GPI: variants seen among roughly 807,000 people sequenced by gnomAD.
GPI encodes glucose-6-phosphate isomerase.
A neutral mutation model predicts 75.8 loss-of-function variants in GPI; 56 were observed. The observed-to-expected ratio is 0.74, with a 90% confidence interval of 0.60 to 0.92. The LOEUF (loss-of-function observed/expected upper bound fraction) is 0.92, where lower values mean the gene tolerates loss of function less well. GPI is among the 40% of genes least tolerant of loss of function. GPI has a pLI of 0.00. For missense variants in GPI, 638 were observed against 741.0 expected (o/e 0.86, Z 1.61); for synonymous variants, 288 against 285.4 (o/e 1.01, Z -0.09).
chr19:34,376,773 C>T (rs1445186706), intron 4 of GPI, among the ~76,000 whole-genome samples: 9 of 152,004 alleles, frequency 5.9e-5, no homozygotes, highest in African/African-American at 7.2e-5. Flanking sequence ...AATAGCGAGG[C>T]GCGGTGGCTC....
intron 4 of GPI, among the ~76,000 whole-genome samples, chr19:34,372,051 C>G (rs943519376): frequency 6.6e-6 from 1 of 151,628 alleles, no homozygotes; most frequent in Non-Finnish European, 1.5e-5. Context: ...CTGCCTCAGC[C>G]TCCTGAGTAG....
chr19:34,383,590 C>T (rs2074688058), intron 9 of GPI, among the ~76,000 whole-genome samples: 1 of 152,192 alleles, frequency 6.6e-6, no homozygotes, highest in Non-Finnish European at 1.5e-5. Context: ...CTCAGGGCGT[C>T]AGAGGCCTCT....
In GPI at chr19:34,393,396, A is replaced by G; in HGVS notation, c.865+88A>G. On this transcript the variant is annotated intron_variant, in intron 10 of 17. Transcript: ENST00000356487. The surrounding 1 kb of genome is among the most constrained non-coding windows in gnomAD (Gnocchi z 4.4). The stretch of plus-strand genomic sequence containing the variant: ...TAGGGGGCTTGTGTCCCTGAACATC[A>G]TGCTGTCCTCACAGGCTGCTGGCCT... 1 of 998,298 alleles carries G rather than the reference A, an allele frequency of 1.0e-6. No homozygotes were observed. Among genetic ancestry groups the G allele is most frequent in the South Asian group, 1.3e-5 (1 of 78,710 alleles). The allele number at this position is 998,298 out of a possible 1,614,324, so 61.8% of individuals were successfully genotyped here. A position where few individuals can be genotyped will look rare whatever the true frequency, so the allele number is the denominator to read the frequency against.
chr19:34,395,219 G>A (rs1041993585), intron 12 of GPI, among the ~76,000 whole-genome samples: 1 of 152,080 alleles, frequency 6.6e-6, no homozygotes, highest in African/African-American at 2.4e-5. Context: ...ATTTAGTTGT[G>A]GTGACAGCCC....
chr19:34,398,139 C>T (rs1788009951), intron 14 of GPI: 1 of 152,126 alleles, frequency 6.6e-6, no homozygotes, highest in Non-Finnish European at 1.5e-5. Context: ...CAGCCTCACC[C>T]TCCTGGGCTC....
rs1277518726 is a variant in GPI at position 34,366,643 on chromosome 19, TTCCCAGACAGCA to T, written c.214-139_214-128del. On this transcript the variant is annotated intron_variant, in intron 2 of 17. Transcript: ENST00000356487. ...CAGTGTCTGATGTCTGAGTAGACCC[TTCCCAGACAGCA>T]GGGGAGGGAACCAGACAGCAGCCGT... The T allele has an allele frequency of 3.9e-5, 30 of 767,524 alleles. No individual in the cohort carries two copies. The East Asian group carries it at 7.1e-4, about 18-fold the overall frequency. 47.5% of individuals were successfully genotyped at this position (767,524 alleles called of 1,614,324 possible). A position where few individuals can be genotyped will look rare whatever the true frequency, so the allele number is the denominator to read the frequency against.
chr19:34,365,455 TC>T (rs1427132661), intron 1 of GPI, 67 bp downstream of exon 1: 23 of 1,510,440 alleles, frequency 1.5e-5, no homozygotes, highest in Non-Finnish European at 1.9e-5. Context: ...GGGCCTGGGG[TC>T]TGGAGGCGGG....
At chr19:34,379,649 G>A (rs1209841875) in intron 8 of GPI, 87 bp downstream of exon 8, 2 of 1,097,328 alleles carry the variant, frequency 1.8e-6, no homozygotes, top group African/African-American at 1.5e-5. Context: ...CGGTTCGTAG[G>A]TCTGGTGGAT....
At position 34,401,026 on chromosome 19, in the gene GPI, CAT is replaced by C. The variant is rs1491118723; in HGVS notation, c.*991_*992del. On this transcript the variant is annotated 3_prime_UTR_variant, in exon 18 of 18. Coordinates refer to ENST00000356487, the MANE Select transcript of GPI (RefSeq NM_000175.5). ...CAGGTATGAGCCACCACGCCCGGCC[CAT>C]TTTTTTTTTTTTTTTGACAACTTTT... The C allele has an allele frequency of 1.4e-3, 224 of 156,890 alleles. No homozygotes were observed. Among genetic ancestry groups the C allele is most frequent in the African/African-American group, 5.2e-3 (198 of 38,084 alleles). 9.7% of individuals were successfully genotyped at this position (156,890 alleles called of 1,614,324 possible).
chr19:34,399,425 C>A, intron 15 of GPI, 90 bp downstream of exon 15: 2 of 1,577,534 alleles, frequency 1.3e-6, no homozygotes, highest in Non-Finnish European at 1.7e-6. Context: ...GCGTGCCTGG[C>A]TTGTCCTACA....
chr19:34,380,091 G>A (rs1320350277), intron 8 of GPI, among the ~76,000 whole-genome samples: 6 of 148,778 alleles, frequency 4.0e-5, no homozygotes, highest in Non-Finnish European at 7.4e-5. Flanking sequence ...CTGCCTTCCA[G>A]GTTCAAGCGA....
Position 34,396,640 on chromosome 19 carries a change from A to C in GPI, c.1252A>C (p.Lys418Gln), listed in dbSNP as rs2074949801. ...IPVQTQHPIRKGLHHKILLAN... is the reference protein window; with the variant it reads ...IPVQTQHPIRQGLHHKILLAN... The stretch of plus-strand genomic sequence containing the variant: ...GGTCCAGACCCAGCACCCCATACGG[A>C]AGGGTCTGCATCACAAGGTAAGAGC... The change falls in exon 14 of 18, where the codon AAG (lysine) becomes CAG (glutamine). Residue 418 changes from lysine (K) to glutamine (Q), a missense_variant. Physicochemically the swap from Lys to Gln is moderately conservative, Grantham distance 53 (BLOSUM62 1). Coordinates refer to ENST00000356487, the MANE Select transcript of GPI (RefSeq NM_000175.5). 1 of 1,613,996 alleles carries C rather than the reference A, an allele frequency of 6.2e-7. No individual in the cohort carries two copies. Among genetic ancestry groups the C allele is most frequent in the African/African-American group, 1.3e-5 (1 of 74,930 alleles).
At chr19:34,370,428 C>T (rs1039688660) in intron 4 of GPI, among the ~76,000 whole-genome samples, 5 of 152,098 alleles carry the variant, frequency 3.3e-5, no homozygotes, top group Non-Finnish European at 7.3e-5. Context: ...ACTTTCAGAC[C>T]TGAAAATGGG....
Position 34,393,905 on chromosome 19 carries a change from C to T in GPI, c.910-9C>T. 1 of 1,613,652 alleles carries T rather than the reference C, an allele frequency of 6.2e-7. No homozygotes were observed. Among genetic ancestry groups the T allele is most frequent in the Non-Finnish European group, 8.5e-7 (1 of 1,179,946 alleles). On this transcript the variant is annotated splice_polypyrimidine_tract_variant and intron_variant, in intron 11 of 17. Transcript: ENST00000356487. The surrounding 1 kb of genome is among the most constrained non-coding windows in gnomAD (Gnocchi z 4.4). The stretch of plus-strand genomic sequence containing the variant: ...TGCTCAGCTCCCACTCATCCTGCTC[C>T]TGTTTCAGGACCAGCACTTCCGCAC...
chr19:34,389,157 T>C (rs1200234157), intron 9 of GPI, among the ~76,000 whole-genome samples: 1 of 152,054 alleles, frequency 6.6e-6, no homozygotes, highest in Non-Finnish European at 1.5e-5. Flanking sequence ...ATGTCAAGCA[T>C]GATGTAGTCT....
Position 34,366,685 on chromosome 19 carries a change from C to T in GPI, c.214-98C>T, listed in dbSNP as rs777756390. 1.4e-4 allele frequency: 122 copies of T among 860,008 alleles called. 1 individual carries two copies. Among genetic ancestry groups the T allele is most frequent in the Non-Finnish European group, 3.8e-5 (19 of 495,698 alleles). 53.3% of individuals were successfully genotyped at this position (860,008 alleles called of 1,614,324 possible). A position where few individuals can be genotyped will look rare whatever the true frequency, so the allele number is the denominator to read the frequency against. ...AGGGAACCAGACAGCAGCCGTCTGT[C>T]TGTCTCATTGGGGACAGCACCAAGC... On this transcript the variant is annotated intron_variant, in intron 2 of 17. Transcript: ENST00000356487.
rs1416520763 is a variant in GPI at position 34,401,421 on chromosome 19, C to G, written c.*1385C>G. On this transcript the variant is annotated 3_prime_UTR_variant, in exon 18 of 18. Transcript: ENST00000356487. ...TTTTTTTAGCAGAGACAGTGTCTCA[C>G]TGTGTTAGTCAGGATGGTCTCGATC... is the stretch of plus-strand genomic sequence containing the variant. 6.6e-6 allele frequency: 1 copy of G among 152,114 alleles called. No individual in the cohort carries two copies. The highest frequency in any genetic ancestry group is 1.5e-5 in the Non-Finnish European group (1 of 68,054). The allele number at this position is 152,114 out of a possible 1,614,324, so 9.4% of individuals were successfully genotyped here.
chr19:34,375,866 T>C (rs1380112838), intron 4 of GPI, among the ~76,000 whole-genome samples: 1 of 152,184 alleles, frequency 6.6e-6, no homozygotes, highest in Non-Finnish European at 1.5e-5. Context: ...AGGCGGAAGC[T>C]ATGCAGAGGC....
At chr19:34,382,229 G>T (rs1012735511) in intron 9 of GPI, among the ~76,000 whole-genome samples, 20 of 152,316 alleles carry the variant, frequency 1.3e-4, no homozygotes, top group African/African-American at 4.6e-4. Context: ...TACGTGCAGG[G>T]CTCTAACGCT....
Sources: gnomAD v4.1 joint callset for allele counts (sites outside exome capture counted in the v4.1 genomes callset) on GRCh38, gnomAD v4.1.1 for gene constraint, Gnocchi (gnomAD v3.1) non-coding constraint, MANE v1.5 for transcripts, NCBI Gene and HGNC (gene_info 2026-07-23, HGNC 2026-07-21) for gene names.